PEX5L: variants seen among roughly 807,000 people sequenced by gnomAD.
The protein encoded by PEX5L is peroxisomal biogenesis factor 5 like.
In PEX5L, 30 loss-of-function variants were observed where a neutral mutation model predicts 84.0. That is an observed-to-expected ratio of 0.36 (90% CI 0.27 to 0.48). The LOEUF (loss-of-function observed/expected upper bound fraction) is 0.48, where lower values mean the gene tolerates loss of function less well. Among genes scored for constraint, PEX5L ranks in the 20% least tolerant of loss-of-function variants. The pLI is 0.99. For synonymous variants in PEX5L, 270 were observed against 283.1 expected (o/e 0.95, Z 0.46); for missense variants, 533 against 754.6 (o/e 0.71, Z 3.44).
At chr3:179,973,750 A>C (rs192033893) in intron 1 of PEX5L, 1 of 985,412 alleles carries the variant, frequency 1.0e-6, no homozygotes, top group East Asian at 1.1e-4. Context: ...ATTTAGTAGT[A>C]AATTTTCCTG....
At chr3:179,990,877 G>A (rs962889246) in intron 1 of PEX5L, among the ~76,000 whole-genome samples, 1 of 152,168 alleles carries the variant, frequency 6.6e-6, no homozygotes, top group Non-Finnish European at 1.5e-5. Context: ...AAATGTAAAT[G>A]TGCTGGGTAT....
intron 3 of PEX5L, among the ~76,000 whole-genome samples, chr3:179,888,623 G>A (rs1756644398): frequency 6.7e-6 from 1 of 150,054 alleles, no homozygotes; most frequent in Non-Finnish European, 1.5e-5. Flanking sequence ...TGATACTCAG[G>A]TGGTTGATCC....
chr3:179,905,418 G>A (rs1433519871), intron 2 of PEX5L, among the ~76,000 whole-genome samples: 15 of 151,998 alleles, frequency 9.9e-5, no homozygotes, highest in Middle Eastern at 3.2e-3. Flanking sequence ...AACTACAGGC[G>A]CCCGCCACCA....
intron 7 of PEX5L, among the ~76,000 whole-genome samples, chr3:179,870,701 T>G (rs919823110): frequency 1.3e-5 from 2 of 152,226 alleles, no homozygotes; most frequent in African/African-American, 2.4e-5. Flanking sequence ...TCCAATCATC[T>G]GGGCCTTCCC....
intron 8 of PEX5L, among the ~76,000 whole-genome samples, chr3:179,833,607 T>C (rs921046670): frequency 2.0e-5 from 3 of 152,274 alleles, no homozygotes; most frequent in African/African-American, 7.2e-5. Flanking sequence ...TGTTTAGAAA[T>C]AGAAGGTCAG....
intron 5 of PEX5L, among the ~76,000 whole-genome samples, chr3:179,878,459 T>G (rs563725912): frequency 6.6e-6 from 1 of 152,358 alleles, no homozygotes; most frequent in East Asian, 1.9e-4. Flanking sequence ...CAGTCTTCAG[T>G]GCATGACATC....
chr3:180,031,368 G>A (rs1029402397), intron 1 of PEX5L, among the ~76,000 whole-genome samples: 1 of 152,094 alleles, frequency 6.6e-6, no homozygotes, highest in East Asian at 1.9e-4. Flanking sequence ...GGATGAGGTG[G>A]GGGGTAAGGA....
At chr3:179,818,785 C>T (rs564002783) in intron 9 of PEX5L, among the ~76,000 whole-genome samples, 1 of 151,982 alleles carries the variant, frequency 6.6e-6, no homozygotes, top group Non-Finnish European at 1.5e-5. Flanking sequence ...TGACAGGATG[C>T]CATTCTTTTT....
At chr3:180,022,860 C>T (rs1048416881) in intron 1 of PEX5L, among the ~76,000 whole-genome samples, 1 of 152,170 alleles carries the variant, frequency 6.6e-6, no homozygotes, top group Non-Finnish European at 1.5e-5. Context: ...CACAAAGGGG[C>T]TCTCAGAGTA....
Position 179,797,605 on chromosome 3 carries a change from A to ATATATATATATAT in PEX5L, c.*4222_*4223insATATATATATATA, listed in dbSNP as rs1171034649. On this transcript the variant is annotated 3_prime_UTR_variant, in exon 15 of 15. Transcript: ENST00000467460. ...AACACTCTTTAAAAAAAAAAAAAAAAATATATATATATATATATATATATA... is the reference window on the plus strand; with the variant it reads ...AACACTCTTTAAAAAAAAAAAAAAAATATATATATATATATATATATATATATATATATATATA... 6 of 89,156 alleles carry ATATATATATATAT rather than the reference A, an allele frequency of 6.7e-5. No individual in the cohort carries two copies. Among genetic ancestry groups the ATATATATATATAT allele is most frequent in the Admixed American group, 2.5e-4 (2 of 8,030 alleles). The allele number at this position is 89,156 out of a possible 1,614,324, so 5.5% of individuals were successfully genotyped here. A position where few individuals can be genotyped will look rare whatever the true frequency, so the allele number is the denominator to read the frequency against.
chr3:180,020,466 T>C (rs1790332983), intron 1 of PEX5L, among the ~76,000 whole-genome samples: 1 of 152,096 alleles, frequency 6.6e-6, no homozygotes, highest in Non-Finnish European at 1.5e-5. Context: ...TTAAGTACTA[T>C]CTCAAAATGT....
rs1164919867 is a variant in PEX5L at position 179,986,878 on chromosome 3, CA to C, written c.22-15214del. Among the ~76,000 whole-genome samples the C allele has an allele frequency of 5.3e-5, 8 of 152,178 alleles. No individual in the cohort carries two copies. The East Asian group carries it at 1.3e-3, about 26-fold the overall frequency. On this transcript the variant is annotated intron_variant, in intron 1 of 14. Transcript: ENST00000467460. ...GTTCGAATAACATAATGCAAAAATACATATTTGATTAAATAAAAAGAAAAAT... is the reference window on the plus strand; with the variant it reads ...GTTCGAATAACATAATGCAAAAATACTATTTGATTAAATAAAAAGAAAAAT...
intron 1 of PEX5L, among the ~76,000 whole-genome samples, chr3:180,012,248 A>T: frequency 6.8e-6 from 1 of 147,366 alleles, no homozygotes; most frequent in East Asian, 2.0e-4. Context: ...ATTTATTTGT[A>T]AATCTTATGA....
intron 2 of PEX5L, chr3:179,898,467 T>C: frequency 5.1e-6 from 2 of 393,922 alleles, no homozygotes; most frequent in East Asian, 3.7e-5. Context: ...ACAGCTGACA[T>C]ATTACATTTA....
intron 7 of PEX5L, among the ~76,000 whole-genome samples, chr3:179,860,670 C>T (rs1745766566): frequency 2.0e-5 from 3 of 152,220 alleles, no homozygotes. Flanking sequence ...AGGGGACCCC[C>T]CTCTTCTATT....
At chr3:179,808,151 A>G in intron 13 of PEX5L, 121 bp downstream of exon 13, 3 of 747,930 alleles carry the variant, frequency 4.0e-6, no homozygotes, top group East Asian at 5.4e-5. Context: ...ATTAGTACCC[A>G]TCACTTTAAA....
At chr3:180,005,013 T>A (rs1418471431) in intron 1 of PEX5L, among the ~76,000 whole-genome samples, 1 of 152,168 alleles carries the variant, frequency 6.6e-6, no homozygotes, top group Non-Finnish European at 1.5e-5. Context: ...TTAAATATAT[T>A]TAAAAATTGA....
chr3:179,956,498 T>C (rs1780588315), intron 2 of PEX5L, among the ~76,000 whole-genome samples: 1 of 152,190 alleles, frequency 6.6e-6, no homozygotes, highest in African/African-American at 2.4e-5. Flanking sequence ...TTCTAGAGTG[T>C]ATTTTTTGGG....
intron 1 of PEX5L, among the ~76,000 whole-genome samples, chr3:180,015,342 C>T (rs1011425370): frequency 7.9e-5 from 12 of 152,164 alleles, no homozygotes; most frequent in Non-Finnish European, 1.5e-4. Context: ...GCTAAGTTAG[C>T]GAACGAGCTA....
Sources: allele counts gnomAD v4.1 joint callset (sites outside exome capture counted in the v4.1 genomes callset), GRCh38; gene constraint gnomAD v4.1.1; transcripts MANE v1.5; gene names NCBI Gene and HGNC (gene_info 2026-07-23, HGNC 2026-07-21).